DYNC2I1: variants seen among roughly 807,000 people sequenced by gnomAD.
DYNC2I1 encodes the protein dynein 2 intermediate chain 1, also known as cytoplasmic dynein 2 intermediate chain 1.
In DYNC2I1, 89 loss-of-function variants were observed where a neutral mutation model predicts 133.4. The observed-to-expected ratio is 0.67, with a 90% CI of 0.56 to 0.80. The LOEUF (loss-of-function observed/expected upper bound fraction) is 0.80. Among genes scored for constraint, DYNC2I1 ranks in the 30% least tolerant of loss-of-function variants. The probability of loss-of-function intolerance (pLI) is 0.00; values close to 1 mark genes in which losing one functional copy is unlikely to be tolerated. For missense variants in DYNC2I1, 1,291 were observed against 1,314.5 expected, an observed-to-expected ratio of 0.98 and a Z score of 0.28; for synonymous variants, 504 against 484.3, an observed-to-expected ratio of 1.04 and a Z score of -0.54.
intron 4 of DYNC2I1, among the ~76,000 whole-genome samples, chr7:158,878,161 T>C (rs1277640994): frequency 2.0e-4 from 19 of 95,420 alleles, no homozygotes; most frequent in South Asian, 8.1e-4. Context: ...GTGCTGGGCA[T>C]CATGTGGGGA....
intron 8 of DYNC2I1, among the ~76,000 whole-genome samples, chr7:158,898,290 C>T (rs1845927523): frequency 1.3e-5 from 2 of 152,192 alleles, no homozygotes; most frequent in Non-Finnish European, 2.9e-5. Flanking sequence ...TATATCCTTA[C>T]TCATGTTCTG....
chr7:158,941,805 G>A (rs1280778638), intron 23 of DYNC2I1, 120 bp from the exon 24 acceptor site: 1 of 1,136,178 alleles, frequency 8.8e-7, no homozygotes, highest in Non-Finnish European at 1.3e-6. Flanking sequence ...TTGAGCCCGG[G>A]AGGTCAAGCT....
At chr7:158,915,652 C>T (rs1312599115) in intron 14 of DYNC2I1, among the ~76,000 whole-genome samples, 15 of 141,104 alleles carry the variant, frequency 1.1e-4, no homozygotes, top group Non-Finnish European at 1.7e-4. Flanking sequence ...AACCTCGACA[C>T]GGTGGTTGAC....
chr7:158,857,490 G>T (rs1841386312), intron 1 of DYNC2I1, among the ~76,000 whole-genome samples: 1 of 148,614 alleles, frequency 6.7e-6, no homozygotes, highest in South Asian at 2.1e-4. Flanking sequence ...TTTATGTGTT[G>T]AATAATACTC....
At chr7:158,890,486 A>G (rs1245349675) in intron 7 of DYNC2I1, among the ~76,000 whole-genome samples, 2 of 152,152 alleles carry the variant, frequency 1.3e-5, no homozygotes, top group Non-Finnish European at 2.9e-5. Context: ...AGTGCCTGCT[A>G]TGTGCCAGAA....
Position 158,887,014 on chromosome 7 carries a change from T to C in DYNC2I1, c.936-7T>C. Reference sequence around the variant, plus strand: ...AAGTTTTGATTTTGATTATGTTTGCTTTCCAGGCATGCTGAGAATTTAGTA... The same window carrying C: ...AAGTTTTGATTTTGATTATGTTTGCCTTCCAGGCATGCTGAGAATTTAGTA... On this transcript the variant is annotated splice_polypyrimidine_tract_variant and splice_region_variant and intron_variant, in intron 6 of 24. Coordinates refer to ENST00000407559, the MANE Select transcript of DYNC2I1 (RefSeq NM_018051.5). 1 of 1,613,734 alleles carries C rather than the reference T, an allele frequency of 6.2e-7. No homozygotes were observed. Among genetic ancestry groups the C allele is most frequent in the Non-Finnish European group, 8.5e-7 (1 of 1,179,726 alleles).
At chr7:158,861,910 A>G (rs1047457786) in intron 1 of DYNC2I1, among the ~76,000 whole-genome samples, 6 of 152,176 alleles carry the variant, frequency 3.9e-5, no homozygotes, top group African/African-American at 1.2e-4. Flanking sequence ...TAGAATGAAG[A>G]CCTGGATAGG....
At chr7:158,896,740 T>A (rs1341544932) in intron 8 of DYNC2I1, among the ~76,000 whole-genome samples, 2 of 152,196 alleles carry the variant, frequency 1.3e-5, no homozygotes, top group Admixed American at 1.3e-4. Flanking sequence ...CCCAGAGTGC[T>A]GGGATTACAG....
At chr7:158,897,087 A>G (rs1007198260) in intron 8 of DYNC2I1, among the ~76,000 whole-genome samples, 2 of 149,992 alleles carry the variant, frequency 1.3e-5, no homozygotes, top group Non-Finnish European at 3.0e-5. Flanking sequence ...GGGTTCAAGC[A>G]GTTCTCCTGC....
downstream of DYNC2I1, among the ~76,000 whole-genome samples, chr7:158,958,561 G>C (rs143265702): frequency 5.9e-4 from 90 of 152,320 alleles, no homozygotes; most frequent in African/African-American, 1.9e-3. Context: ...AATAGTTCAG[G>C]GGTGGGGTTT....
intron 12 of DYNC2I1, among the ~76,000 whole-genome samples, chr7:158,912,153 TC>T (rs375430200): frequency 6.6e-6 from 1 of 152,162 alleles, no homozygotes; most frequent in African/African-American, 2.4e-5. Flanking sequence ...GGTGAACCCT[TC>T]CTAGTGACTT....
At chr7:158,886,599 GT>G (rs1199855475) in intron 6 of DYNC2I1, among the ~76,000 whole-genome samples, 1 of 152,024 alleles carries the variant, frequency 6.6e-6, no homozygotes. Context: ...ACCTGAAACA[GT>G]TTTTTAAAAA....
chr7:158,889,640 G>A (rs992174830), intron 7 of DYNC2I1, among the ~76,000 whole-genome samples: 3 of 151,592 alleles, frequency 2.0e-5, no homozygotes, highest in African/African-American at 7.3e-5. Context: ...AAAAAAATAG[G>A]CCAGATGTTC....
intron 17 of DYNC2I1, among the ~76,000 whole-genome samples, chr7:158,924,873 G>C (rs1849462313): frequency 6.6e-6 from 1 of 152,006 alleles, no homozygotes; most frequent in Non-Finnish European, 1.5e-5. Context: ...TCCTGCTTCA[G>C]ACTCCTGAGT....
intron 8 of DYNC2I1, among the ~76,000 whole-genome samples, chr7:158,897,343 A>G (rs927160497): frequency 6.6e-6 from 1 of 152,212 alleles, no homozygotes; most frequent in Admixed American, 6.5e-5. Flanking sequence ...AGAATTCACC[A>G]GTATTAGTGC....
chr7:158,847,344 T>C, the DYNC2I1 span, among the ~76,000 whole-genome samples: 1 of 152,212 alleles, frequency 6.6e-6, no homozygotes, highest in African/African-American at 2.4e-5. Context: ...AGAGACTATT[T>C]AAAAGTCACT....
At chr7:158,937,457 T>C (rs1024914038) in intron 23 of DYNC2I1, among the ~76,000 whole-genome samples, 1 of 152,086 alleles carries the variant, frequency 6.6e-6, no homozygotes, top group African/African-American at 2.4e-5. Flanking sequence ...AAACCCCATC[T>C]GTACTAAAAA....
chr7:158,861,346 A>G (rs1312487016), intron 1 of DYNC2I1, among the ~76,000 whole-genome samples: 1 of 152,146 alleles, frequency 6.6e-6, no homozygotes, highest in Non-Finnish European at 1.5e-5. Flanking sequence ...TTAATCTCAC[A>G]CTGACCAGCC....
chr7:158,909,631 A>G (rs577749305), intron 11 of DYNC2I1, among the ~76,000 whole-genome samples: 1 of 152,288 alleles, frequency 6.6e-6, no homozygotes, highest in South Asian at 2.1e-4. Context: ...AAACAACAAA[A>G]ACACTCCAGC....
Sources: gnomAD v4.1 joint callset for allele counts (sites outside exome capture counted in the v4.1 genomes callset) on GRCh38, gnomAD v4.1.1 for gene constraint, MANE v1.5 for transcripts, NCBI Gene and HGNC (gene_info 2026-07-23, HGNC 2026-07-21) for gene names.